Variants in HUS1B observed in about 807,000 individuals in gnomAD.
The protein encoded by HUS1B is checkpoint protein HUS1B.
For synonymous variants in HUS1B, 207 were observed against 176.2 expected, an observed-to-expected ratio of 1.17 and a Z score of -1.38; for missense variants, 475 against 390.4, an observed-to-expected ratio of 1.22 and a Z score of -1.83.
chr6:656,329 T>C lies in HUS1B; in HGVS notation c.616A>G (p.Asn206Asp), dbSNP rs1442774155. 2 of 1,614,174 alleles carry C rather than the reference T, an allele frequency of 1.2e-6. No homozygotes were observed. Among genetic ancestry groups the C allele is most frequent in the South Asian group, 2.2e-5 (2 of 91,076 alleles). ...GCCGACTGGGGAGGGTTTCCAAGAT[T>C]TTTAAAATAACTTTGAATGGACACC... The part of the protein sequence containing the change: ...EVVSIQSYFK[N>D]LGNPPQSAVG... Residue 206 changes from asparagine to aspartate, a missense_variant, in exon 1 of 1, where the codon AAT becomes GAT. Coordinates refer to ENST00000380907, the MANE Select transcript of HUS1B (RefSeq NM_148959.4).
Position 656,266 on chromosome 6 carries a change from C to G in HUS1B, c.679G>C (p.Val227Leu), listed in dbSNP as rs1185077525. The change falls in exon 1 of 1, where the codon GTG becomes CTG. Residue 227 changes from valine to leucine, a missense_variant. Coordinates refer to ENST00000380907, the MANE Select transcript of HUS1B (RefSeq NM_148959.4). ...VPENRDLESMVQVRVDNRKLL... is the reference protein window; with the variant it reads ...VPENRDLESMLQVRVDNRKLL... ...TTCCGATTGTCCACCCGCACTTGCA[C>G]CATGCTCTCCAGGTCTCTGTTTTCA... is the stretch of plus-strand genomic sequence containing the variant. The G allele has an allele frequency of 6.2e-7, 1 of 1,614,226 alleles. No homozygotes were observed. The highest frequency in any genetic ancestry group is 1.1e-5 in the South Asian group (1 of 91,090).
In HUS1B at chr6:656,940, T is replaced by G. The variant is rs199901808; in HGVS notation, c.5A>C (p.Lys2Thr). 13 of 1,518,218 alleles carry G rather than the reference T, an allele frequency of 8.6e-6. No homozygotes were observed. The East Asian group carries it at 2.9e-4, about 34-fold the overall frequency. 94.0% of individuals were successfully genotyped at this position (1,518,218 alleles called of 1,614,324 possible). A position where few individuals can be genotyped will look rare whatever the true frequency, so the allele number is the denominator to read the frequency against. ...TTTGCCGGTGATCTTGGCGCGAAAC[T>G]TCATGATGCCACAGGGAAGGCAGCT... M[K>T]FRAKITGKGC... Residue 2 changes from lysine (K) to threonine (T), a missense_variant, in exon 1 of 1, where the codon AAG (lysine) becomes ACG (threonine). Lys to Thr is a moderately conservative substitution (Grantham distance 78). Transcript: ENST00000380907.
Position 656,729 on chromosome 6 carries a change from C to G in HUS1B, c.216G>C (p.Ser72=), listed in dbSNP as rs763833864. 6.3e-7 allele frequency: 1 copy of G among 1,593,902 alleles called. No homozygotes were observed. The highest frequency in any genetic ancestry group is 1.7e-5 in the Admixed American group (1 of 58,036). The part of the protein sequence containing the change: ...AFQQFRMEGV[S]EDLDEIHLEL... The stretch of plus-strand genomic sequence containing the variant: ...CCAGGTGGATCTCATCGAGATCTTC[C>G]GAGACACCTTCCATGCGAAACTGCT... The change falls in exon 1 of 1, where the codon TCG becomes TCC. Residue 72 remains serine, a synonymous_variant. Transcript: ENST00000380907.
At position 656,305 on chromosome 6, in the gene HUS1B, C is replaced by A. The variant is rs765743345; in HGVS notation, c.640G>T (p.Ala214Ser). 2.9e-5 allele frequency: 47 copies of A among 1,614,206 alleles called. No homozygotes were observed. Among genetic ancestry groups the A allele is most frequent in the Non-Finnish European group, 3.8e-5 (45 of 1,180,034 alleles). ...FKNLGNPPQS[A>S]VGVPENRDLE... ...TCTCTGTTTTCAGGCACACCCACAG[C>A]CGACTGGGGAGGGTTTCCAAGATTT... Residue 214 changes from alanine (A) to serine (S), a missense_variant, in exon 1 of 1, where the codon GCT (alanine) becomes TCT (serine). By Grantham distance (99) the Ala-to-Ser change is moderately conservative. Transcript: ENST00000380907.
chr6:656,048 G>T lies in HUS1B; in HGVS notation c.*60C>A. 8.0e-7 allele frequency: 1 copy of T among 1,244,254 alleles called. No homozygotes were observed. Among genetic ancestry groups the T allele is most frequent in the Non-Finnish European group, 1.1e-6 (1 of 870,682 alleles). 77.1% of individuals were successfully genotyped at this position (1,244,254 alleles called of 1,614,324 possible). ...AAATTTTCAACCCAATTAACTCAGG[G>T]TCTGTTTTAGTTTTGAAAAGATCAA... On this transcript the variant is annotated 3_prime_UTR_variant, in exon 1 of 1. Coordinates refer to ENST00000380907, the MANE Select transcript of HUS1B (RefSeq NM_148959.4).
chr6:656,131 G>C lies in HUS1B; in HGVS notation c.814C>G (p.Gln272Glu). ...LVLVQEDVSL[Q>E]YFIPAL ...TTTTACAAGGCAGGAATGAAATACT[G>C]AAGAGAGACATCTTCTTGAACCAAA... Residue 272 changes from glutamine to glutamate, a missense_variant, in exon 1 of 1, where the codon CAG becomes GAG. Physicochemically the swap from Gln to Glu is conservative, Grantham distance 29. Coordinates refer to ENST00000380907, the MANE Select transcript of HUS1B (RefSeq NM_148959.4). The C allele has an allele frequency of 6.2e-7, 1 of 1,611,314 alleles. No homozygotes were observed. The highest frequency in any genetic ancestry group is 8.5e-7 in the Non-Finnish European group (1 of 1,177,514).
chr6:656,515 C>G lies in HUS1B; in HGVS notation c.430G>C (p.Asp144His), dbSNP rs1302091017. The G allele has an allele frequency of 6.2e-7, 1 of 1,605,416 alleles. No individual in the cohort carries two copies. Among genetic ancestry groups the G allele is most frequent in the Admixed American group, 1.7e-5 (1 of 59,860 alleles). Residue 144 changes from aspartate to histidine, a missense_variant, in exon 1 of 1, where the codon GAC becomes CAC. Coordinates refer to ENST00000380907, the MANE Select transcript of HUS1B (RefSeq NM_148959.4). ...GCGCGCAGGCTGGGCGGCAGGCAGTCCCGCCACACTCTCCTGGGAAGCACC... is the reference window on the plus strand; with the variant it reads ...GCGCGCAGGCTGGGCGGCAGGCAGTGCCGCCACACTCTCCTGGGAAGCACC... ...VRVLPRRVWR[D>H]CLPPSLRASD... is the part of the protein sequence containing the mutation.
At position 656,590 on chromosome 6, in the gene HUS1B, C is replaced by G. The variant is rs202166658; in HGVS notation, c.355G>C (p.Val119Leu). Residue 119 changes from valine to leucine, a missense_variant, in exon 1 of 1, where the codon GTC (valine) becomes CTC (leucine). Transcript: ENST00000380907. ...CTGCGAGCGCGGCCCAGGGACGAGA[C>G]CAGCTCCACCGCCACCGTGAGGGAG... ...RPSLTVAVEL[V>L]SSLGRARSVV... The G allele has an allele frequency of 6.6e-4, 1,059 of 1,594,358 alleles. 15 individuals carry two copies. In the Admixed American group the frequency reaches 0.015, roughly 23 times the overall value.
chr6:657,056 C>A lies in HUS1B; in HGVS notation c.-112G>T. 2.2e-6 allele frequency: 2 copies of A among 917,636 alleles called. No homozygotes were observed. Among genetic ancestry groups the A allele is most frequent in the Non-Finnish European group, 3.1e-6 (2 of 636,218 alleles). 56.8% of individuals were successfully genotyped at this position (917,636 alleles called of 1,614,324 possible). Reference sequence around the variant, plus strand: ...CCCTCCCCGCCCTCCCTCCGGCCCCCCAGCTAGGCAGGCACTCGGGTTCCC... The same window carrying A: ...CCCTCCCCGCCCTCCCTCCGGCCCCACAGCTAGGCAGGCACTCGGGTTCCC... On this transcript the variant is annotated 5_prime_UTR_variant, in exon 1 of 1. Coordinates refer to ENST00000380907, the MANE Select transcript of HUS1B (RefSeq NM_148959.4).
rs759519295 is a variant in HUS1B, at chr6:656,658, C to A, written c.287G>T (p.Gly96Val). The A allele has an allele frequency of 1.2e-6, 2 of 1,607,238 alleles. No individual in the cohort carries two copies. The highest frequency in any genetic ancestry group is 1.7e-6 in the Non-Finnish European group (2 of 1,177,104). Residue 96 changes from glycine to valine, a missense_variant, in exon 1 of 1, where the codon GGC becomes GTC. Transcript: ENST00000380907. ...HLSRAARSAA[G>V]ASSLKLQLTH... ...CAGCTGCAGCTTCAGGGAGGACGCG[C>A]CCGCTGCGCTTCTCGCCGCCCGGGA...
Position 656,816 on chromosome 6 carries a change from G to A in HUS1B, c.129C>T (p.Pro43=), listed in dbSNP as rs2127750342. The A allele has an allele frequency of 1.9e-6, 3 of 1,609,262 alleles. No individual in the cohort carries two copies. The highest frequency in any genetic ancestry group is 8.5e-7 in the Non-Finnish European group (1 of 1,177,326). The part of the protein sequence containing the change: ...RVRPDSLCFG[P]AGSGGLHEAR... ...CCTCGTGGAGGCCGCCGGAACCCGCGGGGCCGAAGCACAGGCTGTCAGGGC... is the reference window on the plus strand; with the variant it reads ...CCTCGTGGAGGCCGCCGGAACCCGCAGGGCCGAAGCACAGGCTGTCAGGGC... Residue 43 remains proline (P), a synonymous_variant, in exon 1 of 1, where the codon CCC becomes CCT. Transcript: ENST00000380907.
chr6:656,300 C>T lies in HUS1B; in HGVS notation c.645G>A (p.Val215=), dbSNP rs146558183. Residue 215 remains valine, a synonymous_variant, in exon 1 of 1, where the codon GTG becomes GTA. Coordinates refer to ENST00000380907, the MANE Select transcript of HUS1B (RefSeq NM_148959.4). ...CCAGGTCTCTGTTTTCAGGCACACC[C>T]ACAGCCGACTGGGGAGGGTTTCCAA... ...KNLGNPPQSA[V]GVPENRDLES... 232 of 1,614,088 alleles carry T rather than the reference C, an allele frequency of 1.4e-4. No individual in the cohort carries two copies. Among genetic ancestry groups the T allele is most frequent in the Non-Finnish European group, 1.9e-4 (229 of 1,180,054 alleles).
Position 656,818 on chromosome 6 carries a change from G to T in HUS1B, c.127C>A (p.Pro43Thr). Reference protein sequence around the residue: ...RVRPDSLCFGPAGSGGLHEAR... With the variant: ...RVRPDSLCFGTAGSGGLHEAR... Reference sequence around the variant, plus strand: ...TCGTGGAGGCCGCCGGAACCCGCGGGGCCGAAGCACAGGCTGTCAGGGCGC... The same window carrying T: ...TCGTGGAGGCCGCCGGAACCCGCGGTGCCGAAGCACAGGCTGTCAGGGCGC... Residue 43 changes from proline to threonine, a missense_variant, in exon 1 of 1, where the codon CCC (proline) becomes ACC (threonine). Coordinates refer to ENST00000380907, the MANE Select transcript of HUS1B (RefSeq NM_148959.4). 2 of 1,609,426 alleles carry T rather than the reference G, an allele frequency of 1.2e-6. No homozygotes were observed. The highest frequency in any genetic ancestry group is 1.7e-6 in the Non-Finnish European group (2 of 1,177,426).
Position 656,508 on chromosome 6 carries a change from A to C in HUS1B, c.437T>G (p.Leu146Arg), listed in dbSNP as rs1277300506. The C allele has an allele frequency of 1.9e-6, 3 of 1,604,898 alleles. No homozygotes were observed. Among genetic ancestry groups the C allele is most frequent in the Non-Finnish European group, 2.5e-6 (3 of 1,177,674 alleles). ...GTCGGAGGCGCGCAGGCTGGGCGGC[A>C]GGCAGTCCCGCCACACTCTCCTGGG... The part of the protein sequence containing the change: ...VLPRRVWRDC[L>R]PPSLRASDAS... Residue 146 changes from leucine to arginine, a missense_variant, in exon 1 of 1, where the codon CTG becomes CGG. Transcript: ENST00000380907.
At chr6:656,279 GTC>G in the HUS1B span, 11 of 1,614,184 alleles carry the variant, frequency 6.8e-6, no homozygotes, top group African/African-American at 1.3e-5. Context: ...TGCTCTCCAG[GTC>G]TCTGTTTTCA....
the HUS1B span, chr6:656,344 G>A: frequency 6.2e-7 from 1 of 1,614,144 alleles, no homozygotes; most frequent in South Asian, 1.1e-5. Flanking sequence ...AAATAACTTT[G>A]AATGGACACC....
rs1763113910 is a variant in HUS1B at position 656,611 on chromosome 6, G to A, written c.334C>T (p.Leu112Phe). 2 of 1,600,290 alleles carry A rather than the reference G, an allele frequency of 1.2e-6. No homozygotes were observed. Among genetic ancestry groups the A allele is most frequent in the Non-Finnish European group, 1.7e-6 (2 of 1,173,734 alleles). Residue 112 changes from leucine (L) to phenylalanine (F), a missense_variant, in exon 1 of 1, where the codon CTC (leucine) becomes TTC (phenylalanine). Transcript: ENST00000380907. ...GAGACCAGCTCCACCGCCACCGTGA[G>A]GGAGGGGCGGCGCTTGTGGGTCAGC... ...LQLTHKRRPS[L>F]TVAVELVSSL...
chr6:656,637 T>C lies in HUS1B; in HGVS notation c.308A>G (p.Gln103Arg). 1.2e-6 allele frequency: 2 copies of C among 1,606,790 alleles called. No homozygotes were observed. The highest frequency in any genetic ancestry group is 1.1e-5 in the South Asian group (1 of 90,298). ...GGAGGGGCGGCGCTTGTGGGTCAGC[T>C]GCAGCTTCAGGGAGGACGCGCCCGC... ...SAAGASSLKL[Q>R]LTHKRRPSLT... Residue 103 changes from glutamine to arginine, a missense_variant, in exon 1 of 1, where the codon CAG becomes CGG. By Grantham distance (43) the Gln-to-Arg change is conservative (BLOSUM62 1). Coordinates refer to ENST00000380907, the MANE Select transcript of HUS1B (RefSeq NM_148959.4).
rs1344445843 is a variant in HUS1B at position 656,078 on chromosome 6, T to C, written c.*30A>G. 5.8e-6 allele frequency: 9 copies of C among 1,540,726 alleles called. No homozygotes were observed. Among genetic ancestry groups the C allele is most frequent in the Non-Finnish European group, 7.1e-6 (8 of 1,123,826 alleles). On this transcript the variant is annotated 3_prime_UTR_variant, in exon 1 of 1. Transcript: ENST00000380907. ...TTTTAGTTTTGAAAAGATCAAAACC[T>C]TAAAAAAAAAATCTAAGCTGGCTGA...
Sources: gnomAD v4.1 joint callset for allele counts on GRCh38, gnomAD v4.1.1 for gene constraint, MANE v1.5 for transcripts, NCBI Gene and HGNC (gene_info 2026-07-23, HGNC 2026-07-21) for gene names.